SHB: variants seen among roughly 807,000 people sequenced by gnomAD.
The protein encoded by SHB is SH2 domain-containing adapter protein B.
SHB carries 20 observed loss-of-function variants against 52.3 expected under a neutral mutation model. The ratio of observed to expected loss-of-function variants is 0.38; its 90% CI spans 0.27 to 0.56. The LOEUF (loss-of-function observed/expected upper bound fraction) is 0.56. Ranked by LOEUF, SHB falls within the 20% of genes least tolerant of loss-of-function variation. SHB has a pLI of 0.71. For synonymous variants in SHB, 397 were observed against 316.5 expected (o/e 1.25, Z -2.70); for missense variants, 825 against 723.3 (o/e 1.14, Z -1.61).
At chr9:38,048,596 T>G (rs1203379867) in intron 1 of SHB, among the ~76,000 whole-genome samples, 2 of 152,170 alleles carry the variant, frequency 1.3e-5, no homozygotes, top group Admixed American at 6.5e-5. Flanking sequence ...ATGGCACTGT[T>G]GCACTCTAGC....
At chr9:37,973,082 T>C (rs534575260) in intron 3 of SHB, among the ~76,000 whole-genome samples, 5 of 152,236 alleles carry the variant, frequency 3.3e-5, no homozygotes, top group African/African-American at 7.2e-5. Context: ...TCTAGGTTAT[T>C]ATGAACTCTT....
intron 1 of SHB, among the ~76,000 whole-genome samples, chr9:38,038,769 A>G (rs771455112): frequency 3.3e-5 from 5 of 152,086 alleles, no homozygotes; most frequent in Non-Finnish European, 7.4e-5. Flanking sequence ...CTGCCTGGGC[A>G]TCTAGGAGGC....
At chr9:37,956,534 G>A (rs1337309650) in intron 3 of SHB, among the ~76,000 whole-genome samples, 2 of 152,182 alleles carry the variant, frequency 1.3e-5, no homozygotes, top group East Asian at 1.9e-4. Flanking sequence ...TGCCACTTAG[G>A]GGTCATGCTA....
intron 1 of SHB, among the ~76,000 whole-genome samples, chr9:38,059,392 A>T (rs556503957): frequency 6.6e-6 from 1 of 152,172 alleles, no homozygotes; most frequent in African/African-American, 2.4e-5. Context: ...CACCTCCAAG[A>T]TCCTTCCTTT....
intron 1 of SHB, among the ~76,000 whole-genome samples, chr9:38,021,209 G>A (rs567388944): frequency 2.4e-4 from 37 of 152,256 alleles, no homozygotes; most frequent in African/African-American, 8.9e-4. Flanking sequence ...GCCTGGTGGT[G>A]CATGCCTGTA....
intron 2 of SHB, among the ~76,000 whole-genome samples, chr9:37,983,161 G>C (rs1001301585): frequency 6.6e-6 from 1 of 152,194 alleles, no homozygotes; most frequent in Non-Finnish European, 1.5e-5. Context: ...TCCTTAATGG[G>C]AGCAGACTTG....
At chr9:37,920,221 G>A (rs904884347) in intron 5 of SHB, among the ~76,000 whole-genome samples, 5 of 151,922 alleles carry the variant, frequency 3.3e-5, no homozygotes, top group Admixed American at 6.6e-5. Context: ...AGCAGCAGCC[G>A]CCACTGCTAC....
chr9:38,055,860 C>T (rs551447712), intron 1 of SHB, among the ~76,000 whole-genome samples: 28 of 152,158 alleles, frequency 1.8e-4, no homozygotes, highest in African/African-American at 5.8e-4. Context: ...GACAGCCCAG[C>T]CTCCGGTATC....
intron 1 of SHB, among the ~76,000 whole-genome samples, chr9:38,060,349 A>G (rs891408155): frequency 6.6e-6 from 1 of 151,986 alleles, no homozygotes; most frequent in Non-Finnish European, 1.5e-5. Context: ...TAATTTTTGT[A>G]TTTTTAATAG....
intron 2 of SHB, among the ~76,000 whole-genome samples, chr9:37,989,917 A>G (rs1285591343): frequency 6.6e-6 from 1 of 152,194 alleles, no homozygotes; most frequent in Non-Finnish European, 1.5e-5. Context: ...GTCAATAGCT[A>G]TTATAGATGA....
At chr9:37,922,447 C>T (rs528678799) in intron 5 of SHB, among the ~76,000 whole-genome samples, 42 of 152,310 alleles carry the variant, frequency 2.8e-4, no homozygotes, top group African/African-American at 9.4e-4. Context: ...CCTTGGCTGC[C>T]GACAGATAGC....
intron 3 of SHB, among the ~76,000 whole-genome samples, chr9:37,962,332 C>T (rs1398889188): frequency 6.6e-6 from 1 of 152,108 alleles, no homozygotes; most frequent in African/African-American, 2.4e-5. Flanking sequence ...GGCTAAATTC[C>T]CGATACCTAA....
chr9:37,945,080 C>T (rs1382601111), intron 5 of SHB, among the ~76,000 whole-genome samples: 3 of 152,192 alleles, frequency 2.0e-5, no homozygotes, highest in Non-Finnish European at 2.9e-5. Flanking sequence ...ACGGGGTGTC[C>T]TCTGAGGCTG....
intron 2 of SHB, among the ~76,000 whole-genome samples, chr9:37,988,097 G>A (rs1820833615): frequency 6.6e-6 from 1 of 152,230 alleles, no homozygotes; most frequent in African/African-American, 2.4e-5. Context: ...CAGCACAGCT[G>A]CCCCTGCGGA....
Position 37,979,581 on chromosome 9 carries a change from T to C in SHB, c.839-4744A>G, listed in dbSNP as rs550875009. 2.0e-5 allele frequency among the ~76,000 whole-genome samples: 3 copies of C among 150,554 alleles called. No homozygotes were observed. In the South Asian group the frequency reaches 6.3e-4, roughly 32 times the overall value. ...ATTGCCCAGTCCACAAGCAACAAGC[T>C]ATACTCTGCTCCAGTATTCACCAAC... On this transcript the variant is annotated intron_variant, in intron 2 of 5. Transcript: ENST00000377707.
At chr9:37,954,365 G>C (rs375239601) in intron 4 of SHB, among the ~76,000 whole-genome samples, 9 of 152,170 alleles carry the variant, frequency 5.9e-5, no homozygotes, top group Admixed American at 5.9e-4. Context: ...AATACAGTAC[G>C]TGACACACAC....
intron 3 of SHB, among the ~76,000 whole-genome samples, chr9:37,973,282 G>C (rs1364294919): frequency 1.3e-5 from 2 of 152,178 alleles, no homozygotes; most frequent in Non-Finnish European, 2.9e-5. Context: ...GGAGTGCAAT[G>C]GTGCGATCTC....
In SHB at chr9:37,924,761, C is replaced by G. The variant is rs191932792; in HGVS notation, c.1347-4757G>C. 3.0e-3 allele frequency among the ~76,000 whole-genome samples: 460 copies of G among 152,258 alleles called. 8 individuals carry two copies. The highest frequency in any genetic ancestry group is 2.8e-3 in the Non-Finnish European group (189 of 68,042). On this transcript the variant is annotated intron_variant, in intron 5 of 5. Transcript: ENST00000377707. ...ATATTATCTCATTTAAACTGTAGAGCAAACAACTTTAAGTTGTTAGAATGA... is the reference window on the plus strand; with the variant it reads ...ATATTATCTCATTTAAACTGTAGAGGAAACAACTTTAAGTTGTTAGAATGA...
At chr9:38,013,099 T>C (rs571028224) in intron 2 of SHB, among the ~76,000 whole-genome samples, 3 of 152,122 alleles carry the variant, frequency 2.0e-5, no homozygotes, top group African/African-American at 7.2e-5. Context: ...CAAGGATCGT[T>C]ACAAACAGAA....
Sources: allele counts gnomAD v4.1 joint callset (sites outside exome capture counted in the v4.1 genomes callset), GRCh38; gene constraint gnomAD v4.1.1; transcripts MANE v1.5; gene names NCBI Gene and HGNC (gene_info 2026-07-23, HGNC 2026-07-21).